The following EXOC4 variants were observed in gnomAD, a reference collection of about 807,000 sequenced individuals.
EXOC4 encodes SEC8-like 1.
In EXOC4, 71 loss-of-function variants were observed where a neutral mutation model predicts 107.2. The ratio of observed to expected loss-of-function variants is 0.66; its 90% confidence interval spans 0.55 to 0.81. The LOEUF is 0.81. EXOC4 is among the 30% of genes least tolerant of loss of function. The pLI is 0.00. For synonymous variants in EXOC4, 456 were observed against 441.2 expected, an observed-to-expected ratio of 1.03 and a Z score of -0.42; for missense variants, 1,108 against 1,189.6, an observed-to-expected ratio of 0.93 and a Z score of 1.01.
chr7:133,373,338 T>C (rs1464907382), intron 6 of EXOC4, among the ~76,000 whole-genome samples: 4 of 152,212 alleles, frequency 2.6e-5, no homozygotes, highest in African/African-American at 9.6e-5. Flanking sequence ...TTAAAAAGAA[T>C]CATCAATCAA....
At chr7:133,783,280 T>C (rs1796504241) in intron 10 of EXOC4, among the ~76,000 whole-genome samples, 1 of 152,180 alleles carries the variant, frequency 6.6e-6, no homozygotes, top group African/African-American at 2.4e-5. Context: ...TTAAGTTTCA[T>C]TGTTGCCCGT....
chr7:133,863,724 C>G (rs1001410416), intron 11 of EXOC4, among the ~76,000 whole-genome samples: 3 of 152,092 alleles, frequency 2.0e-5, no homozygotes, highest in African/African-American at 7.2e-5. Flanking sequence ...AACATATTGC[C>G]AAGAAAATCA....
At chr7:133,673,585 C>T (rs1031453341) in intron 10 of EXOC4, among the ~76,000 whole-genome samples, 2 of 152,172 alleles carry the variant, frequency 1.3e-5, no homozygotes, top group African/African-American at 4.8e-5. Context: ...CCTGCATGTC[C>T]CAACCTCTGG....
At chr7:133,583,633 A>G (rs1253621983) in intron 9 of EXOC4, among the ~76,000 whole-genome samples, 1 of 152,196 alleles carries the variant, frequency 6.6e-6, no homozygotes, top group East Asian at 1.9e-4. Flanking sequence ...TATTTAGAGG[A>G]AAGCAACCAG....
intron 9 of EXOC4, among the ~76,000 whole-genome samples, chr7:133,583,046 G>A (rs1801315131): frequency 6.6e-6 from 1 of 152,162 alleles, no homozygotes; most frequent in South Asian, 2.1e-4. Flanking sequence ...ATACTATTTA[G>A]TGGTTTTAGT....
At chr7:133,636,439 G>A (rs1232937893) in intron 10 of EXOC4, among the ~76,000 whole-genome samples, 1 of 152,156 alleles carries the variant, frequency 6.6e-6, no homozygotes, top group Non-Finnish European at 1.5e-5. Context: ...CAAAAAGTGA[G>A]TTTTATAGTA....
chr7:133,436,019 CA>C (rs5887623), intron 7 of EXOC4, among the ~76,000 whole-genome samples: 10,631 of 147,718 alleles, frequency 0.072, 1,265 homozygotes, highest in African/African-American at 0.24. Flanking sequence ...TAAGGAAGGG[CA>C]GGGGGAAAGA....
chr7:134,094,081 A>T, the EXOC4 span, among the ~76,000 whole-genome samples: 8 of 152,270 alleles, frequency 5.3e-5, no homozygotes, highest in African/African-American at 1.9e-4. Flanking sequence ...TCAGAGCATA[A>T]CTGAAAAATA....
intron 12 of EXOC4, among the ~76,000 whole-genome samples, chr7:133,904,937 A>G (rs1799534592): frequency 6.6e-6 from 1 of 152,130 alleles, no homozygotes; most frequent in African/African-American, 2.4e-5. Context: ...GGGCAGTCCT[A>G]ATTTGGACGG....
chr7:133,435,671 G>A (rs148379902), intron 7 of EXOC4, among the ~76,000 whole-genome samples: 3 of 152,092 alleles, frequency 2.0e-5, no homozygotes, highest in African/African-American at 7.2e-5. Context: ...GCAGTCAAAT[G>A]ATACCTAAAA....
At chr7:133,857,902 C>G (rs541782943) in intron 11 of EXOC4, among the ~76,000 whole-genome samples, 5 of 152,204 alleles carry the variant, frequency 3.3e-5, no homozygotes, top group African/African-American at 9.6e-5. Context: ...TCATTCAGTC[C>G]CACCGCCTCA....
chr7:133,989,267 G>A (rs896567333), intron 14 of EXOC4, among the ~76,000 whole-genome samples: 4 of 152,148 alleles, frequency 2.6e-5, no homozygotes, highest in African/African-American at 9.7e-5. Context: ...GCTAAAGAAA[G>A]ATAATGAGTT....
At chr7:133,386,579 G>C (rs963333349) in intron 7 of EXOC4, among the ~76,000 whole-genome samples, 4 of 152,134 alleles carry the variant, frequency 2.6e-5, no homozygotes, top group Admixed American at 2.6e-4. Context: ...TCTTGTTCAG[G>C]GTTGAAGGCT....
intron 9 of EXOC4, among the ~76,000 whole-genome samples, chr7:133,567,680 A>G (rs967766511): frequency 1.2e-4 from 19 of 152,218 alleles, no homozygotes; most frequent in Non-Finnish European, 2.8e-4. Flanking sequence ...TATTTGGCTC[A>G]TGCTTCTAGA....
At chr7:133,669,368 G>T (rs1793895667) in intron 10 of EXOC4, among the ~76,000 whole-genome samples, 1 of 152,192 alleles carries the variant, frequency 6.6e-6, no homozygotes, top group Non-Finnish European at 1.5e-5. Flanking sequence ...GGAAGCCATT[G>T]CTGAGGTGGG....
intron 14 of EXOC4, among the ~76,000 whole-genome samples, chr7:133,939,735 T>A (rs1247523960): frequency 6.6e-6 from 1 of 152,240 alleles, no homozygotes; most frequent in Non-Finnish European, 1.5e-5. Context: ...ATAGAAAATG[T>A]GTCTACCAAT....
chr7:133,989,761 A>C (rs1363678142), intron 14 of EXOC4, among the ~76,000 whole-genome samples: 1 of 152,182 alleles, frequency 6.6e-6, no homozygotes, highest in African/African-American at 2.4e-5. Flanking sequence ...AGTTAATAGG[A>C]GGTGGGACTG....
intron 5 of EXOC4, among the ~76,000 whole-genome samples, chr7:133,355,885 C>T (rs1418017854): frequency 6.6e-6 from 1 of 152,104 alleles, no homozygotes; most frequent in African/African-American, 2.4e-5. Context: ...TATCACTCTT[C>T]CCCCTGTGTG....
At chr7:134,056,362 G>A (rs914999236) in intron 17 of EXOC4, among the ~76,000 whole-genome samples, 1 of 152,142 alleles carries the variant, frequency 6.6e-6, no homozygotes, top group Non-Finnish European at 1.5e-5. Flanking sequence ...AAAGTAAAAT[G>A]AAGGCCCTAA....
Sources: gnomAD v4.1 joint callset for allele counts (sites outside exome capture counted in the v4.1 genomes callset) on GRCh38, gnomAD v4.1.1 for gene constraint, MANE v1.5 for transcripts, NCBI Gene and HGNC (gene_info 2026-07-23, HGNC 2026-07-21) for gene names.